Variants in FGD6 observed in about 807,000 individuals in gnomAD.
FGD6 encodes the protein FYVE, RhoGEF and PH domain-containing protein 6.
In FGD6, 90 loss-of-function variants were observed where a neutral mutation model predicts 149.4. The ratio of observed to expected loss-of-function variants is 0.60; its 90% CI spans 0.51 to 0.72. The LOEUF is 0.72. Among genes scored for constraint, FGD6 ranks in the 30% least tolerant of loss-of-function variants. The pLI, the probability that FGD6 is intolerant of heterozygous loss-of-function variation, is 0.00. For synonymous variants in FGD6, 527 were observed against 584.0 expected, an observed-to-expected ratio of 0.90 and a Z score of 1.41; for missense variants, 1,437 against 1,684.8, an observed-to-expected ratio of 0.85 and a Z score of 2.57.
intron 2 of FGD6, among the ~76,000 whole-genome samples, chr12:95,178,103 G>C (rs540917551): frequency 6.6e-6 from 1 of 151,882 alleles, no homozygotes; most frequent in East Asian, 1.9e-4. Context: ...TCCTTTTCAG[G>C]TCTTCTCAAT....
Position 95,108,209 on chromosome 12 carries a change from G to A in FGD6, c.3264+139C>T, listed in dbSNP as rs1192205295. On this transcript the variant is annotated intron_variant, in intron 11 of 20. Transcript: ENST00000343958. ...TGTCACAGTGACTTACATCATGAAT[G>A]TTTTGAACGGATAAAGTGATCAAAA... The A allele has an allele frequency of 6.7e-6, 5 of 742,456 alleles. No individual in the cohort carries two copies. In the Admixed American group the frequency reaches 8.7e-5, roughly 13 times the overall value. 46.0% of individuals were successfully genotyped at this position (742,456 alleles called of 1,614,324 possible).
Position 95,208,832 on chromosome 12 carries a change from G to GC in FGD6, c.2441+10dup. 1 of 1,605,570 alleles carries GC rather than the reference G, an allele frequency of 6.2e-7. No individual in the cohort carries two copies. Among genetic ancestry groups the GC allele is most frequent in the Non-Finnish European group, 8.5e-7 (1 of 1,175,270 alleles). On this transcript the variant is annotated intron_variant, in intron 2 of 20. Coordinates refer to ENST00000343958, the MANE Select transcript of FGD6 (RefSeq NM_018351.4). Reference sequence around the variant, plus strand: ...TGATGCATGCAAAAGTGTCTGTCTGGCACCTGTTACCTGGAATGCTGATGT... The same window carrying GC: ...TGATGCATGCAAAAGTGTCTGTCTGGCCACCTGTTACCTGGAATGCTGATGT...
At chr12:95,129,549 A>G (rs541356024) in intron 8 of FGD6, among the ~76,000 whole-genome samples, 1 of 152,336 alleles carries the variant, frequency 6.6e-6, no homozygotes, top group South Asian at 2.1e-4. Context: ...AAGATAAGTA[A>G]AAGTTAAGGC....
chr12:95,081,970 C>T (rs1379829819), intron 20 of FGD6, among the ~76,000 whole-genome samples: 1 of 152,076 alleles, frequency 6.6e-6, no homozygotes, highest in African/African-American at 2.4e-5. Flanking sequence ...CCGTGACCGG[C>T]CAGTAAGATC....
chr12:95,126,177 C>A, intron 8 of FGD6: 1 of 1,091,854 alleles, frequency 9.2e-7, no homozygotes, highest in Non-Finnish European at 1.4e-6. Context: ...GAAAGCTTCT[C>A]TCAAAAAAGC....
intron 8 of FGD6, among the ~76,000 whole-genome samples, chr12:95,119,167 T>C (rs1396444069): frequency 6.6e-6 from 1 of 152,210 alleles, no homozygotes; most frequent in Non-Finnish European, 1.5e-5. Context: ...CCACATCTAG[T>C]TGAGGCATGG....
At chr12:95,176,748 A>T (rs1881144877) in intron 2 of FGD6, among the ~76,000 whole-genome samples, 1 of 152,310 alleles carries the variant, frequency 6.6e-6, no homozygotes, top group African/African-American at 2.4e-5. Flanking sequence ...AAGTATATCA[A>T]ATTTTTCTTT....
Position 95,210,424 on chromosome 12 carries a change from T to C in FGD6, c.860A>G (p.Asp287Gly), listed in dbSNP as rs775138063. Residue 287 changes from aspartate (D) to glycine (G), a missense_variant, in exon 2 of 21, where the codon GAT (aspartate) becomes GGT (glycine). Asp to Gly is a moderately conservative substitution (Grantham distance 94). Transcript: ENST00000343958. ...GACTTCTGATTTCTTACTAACTCCA[T>C]CTGAAGATATTAAAGTACTCCTTTT... ...NGKRSTLISS[D>G]GVSKKSEVKD... 12 of 1,614,184 alleles carry C rather than the reference T, an allele frequency of 7.4e-6. 1 individual carries two copies. In the Admixed American group the frequency reaches 1.8e-4, roughly 25 times the overall value.
At chr12:95,196,433 T>A (rs1445107794) in intron 2 of FGD6, among the ~76,000 whole-genome samples, 1 of 152,006 alleles carries the variant, frequency 6.6e-6, no homozygotes, top group Non-Finnish European at 1.5e-5. Flanking sequence ...GGTTTCACTA[T>A]GTTGGCCAGG....
At chr12:95,146,669 G>A (rs1240075815) in intron 5 of FGD6, among the ~76,000 whole-genome samples, 1 of 152,098 alleles carries the variant, frequency 6.6e-6, no homozygotes, top group Non-Finnish European at 1.5e-5. Context: ...GTAGTTTCTG[G>A]TCATAATAAC....
At position 95,146,838 on chromosome 12, in the gene FGD6, G is replaced by T. The variant is rs542181975; in HGVS notation, c.2686-5299C>A. ...ATTCTTTTGAGATATTAACATACCA[G>T]CTTGGCCAGCTCGAATCACTTAGGG... On this transcript the variant is annotated intron_variant, in intron 5 of 20. Coordinates refer to ENST00000343958, the MANE Select transcript of FGD6 (RefSeq NM_018351.4). 2.0e-3 allele frequency among the ~76,000 whole-genome samples: 310 copies of T among 152,054 alleles called. 2 individuals are homozygous for T. Among genetic ancestry groups the T allele is most frequent in the Admixed American group, 3.9e-3 (60 of 15,266 alleles).
Position 95,106,773 on chromosome 12 carries a change from A to C in FGD6, c.3417+181T>G, listed in dbSNP as rs138859358. Among the ~76,000 whole-genome samples the C allele has an allele frequency of 7.3e-3, 1,105 of 152,232 alleles. 18 individuals carry two copies. The highest frequency in any genetic ancestry group is 0.025 in the African/African-American group (1,038 of 41,544). On this transcript the variant is annotated intron_variant, in intron 13 of 20. Transcript: ENST00000343958. ...GCCAGGCGTGGTGGTGGGTGCCTGT[A>C]GTCCCAGCTACTCAGGAGGCTGAGG...
chr12:95,125,033 A>AT (rs869149638), intron 8 of FGD6, among the ~76,000 whole-genome samples: 3 of 151,850 alleles, frequency 2.0e-5, no homozygotes, highest in Non-Finnish European at 2.9e-5. Flanking sequence ...GCAAAAAAAA[A>AT]TTTTTTTTTA....
intron 2 of FGD6, among the ~76,000 whole-genome samples, chr12:95,201,518 C>G (rs559059117): frequency 6.6e-6 from 1 of 152,286 alleles, no homozygotes; most frequent in Admixed American, 6.5e-5. Context: ...TGCAAAAATG[C>G]ATTCCGATTT....
chr12:95,132,293 GCATAAGC>G (rs1342828411), intron 8 of FGD6, among the ~76,000 whole-genome samples: 3 of 152,074 alleles, frequency 2.0e-5, no homozygotes, highest in Non-Finnish European at 4.4e-5. Flanking sequence ...TGGGTTATAG[GCATAAGC>G]CACTACACCT....
chr12:95,079,519 T>TA lies in FGD6; in HGVS notation c.*2000dup, dbSNP rs1592820301. On this transcript the variant is annotated 3_prime_UTR_variant, in exon 21 of 21. Transcript: ENST00000343958. Reference sequence around the variant, plus strand: ...AGAAAACCCAAATAACTTGTCTTGCTAAATGCCAGACGCAGAAACAGTTTA... The same window carrying TA: ...AGAAAACCCAAATAACTTGTCTTGCTAAAATGCCAGACGCAGAAACAGTTTA... 1.3e-5 allele frequency: 2 copies of TA among 152,336 alleles called. No homozygotes were observed. The highest frequency in any genetic ancestry group is 3.9e-4 in the East Asian group (2 of 5,192). 9.4% of individuals were successfully genotyped at this position (152,336 alleles called of 1,614,324 possible). A position where few individuals can be genotyped will look rare whatever the true frequency, so the allele number is the denominator to read the frequency against.
intron 8 of FGD6, among the ~76,000 whole-genome samples, chr12:95,131,108 GTT>G (rs59897965): frequency 3.1e-5 from 4 of 128,336 alleles, no homozygotes; most frequent in Non-Finnish European, 5.0e-5. Context: ...TGGCTAAAGA[GTT>G]TTTTTTTTTT....
chr12:95,148,500 A>C (rs928081128), intron 5 of FGD6, among the ~76,000 whole-genome samples: 5 of 119,490 alleles, frequency 4.2e-5, no homozygotes, highest in African/African-American at 3.0e-5. Context: ...ATATAATATA[A>C]TATATAGCAT....
intron 20 of FGD6, among the ~76,000 whole-genome samples, chr12:95,083,542 C>T (rs1395157723): frequency 1.3e-5 from 2 of 151,804 alleles, no homozygotes; most frequent in Non-Finnish European, 2.9e-5. Flanking sequence ...GGTTAAGTGA[C>T]ATAATTTAAA....
Sources: gnomAD v4.1 joint callset for allele counts (sites outside exome capture counted in the v4.1 genomes callset) on GRCh38, gnomAD v4.1.1 for gene constraint, MANE v1.5 for transcripts, NCBI Gene and HGNC (gene_info 2026-07-23, HGNC 2026-07-21) for gene names.